Variants in APP observed in about 807,000 individuals in gnomAD.
The protein encoded by APP is amyloid-beta precursor protein.
In APP, 31 loss-of-function variants were observed where a neutral mutation model predicts 101.4. That is an observed-to-expected ratio of 0.31 (90% CI 0.23 to 0.41). APP has a LOEUF of 0.41. Among genes scored for constraint, APP ranks in the 10% least tolerant of loss-of-function variants. The pLI is 1.00. For synonymous variants in APP, 366 were observed against 364.4 expected (o/e 1.00, Z -0.05); for missense variants, 839 against 1,003.7 (o/e 0.84, Z 2.22).
intron 15 of APP, among the ~76,000 whole-genome samples, chr21:25,899,654 G>A (rs1484641886): frequency 2.0e-5 from 3 of 152,176 alleles, no homozygotes; most frequent in African/African-American, 7.2e-5. Flanking sequence ...CTTTAGCTCA[G>A]GCAGTGTCTT....
At chr21:26,170,432 G>A in intron 1 of APP, 132 bp downstream of exon 1, 3 of 969,592 alleles carry the variant, frequency 3.1e-6, no homozygotes, top group Non-Finnish European at 4.5e-6. Flanking sequence ...GTCCGCAAGC[G>A]GGGGCGGAGA....
intron 15 of APP, among the ~76,000 whole-genome samples, chr21:25,901,607 A>G (rs1227331958): frequency 6.6e-6 from 1 of 152,212 alleles, no homozygotes; most frequent in East Asian, 1.9e-4. Context: ...AATATTCATA[A>G]TAAGGTGATA....
chr21:25,908,904 T>G (rs1601366215), intron 14 of APP, among the ~76,000 whole-genome samples: 1 of 152,138 alleles, frequency 6.6e-6, no homozygotes, highest in East Asian at 1.9e-4. Context: ...TCTGTATCAT[T>G]CAGGAGTTCA....
At chr21:26,051,219 G>A (rs1434138787) in intron 4 of APP, 26 bp from the exon 5 acceptor site, 3 of 1,591,674 alleles carry the variant, frequency 1.9e-6, no homozygotes, top group Non-Finnish European at 2.6e-6. Context: ...AGAAAACAGT[G>A]AGTGGTAGAG....
chr21:25,935,778 T>C (rs541551943), intron 13 of APP, among the ~76,000 whole-genome samples: 93 of 142,896 alleles, frequency 6.5e-4, no homozygotes, highest in African/African-American at 2.1e-3. Context: ...AGGCGGAGGC[T>C]GTAGTGAGCC....
At chr21:26,140,940 G>A (rs1258406729) in intron 1 of APP, among the ~76,000 whole-genome samples, 2 of 152,186 alleles carry the variant, frequency 1.3e-5, no homozygotes, top group African/African-American at 4.8e-5. Context: ...GCATTCTGGA[G>A]GAGTAAAGAC....
intron 13 of APP, among the ~76,000 whole-genome samples, chr21:25,944,026 A>C (rs1041151291): frequency 2.7e-5 from 4 of 148,842 alleles, no homozygotes; most frequent in Admixed American, 6.7e-5. Context: ...GGGCAGACAA[A>C]TTTCAATGCC....
At chr21:26,166,217 T>C (rs1334616337) in intron 1 of APP, among the ~76,000 whole-genome samples, 3 of 152,214 alleles carry the variant, frequency 2.0e-5, no homozygotes, top group Admixed American at 6.5e-5. Context: ...TTTCTTCTTA[T>C]ACAACAATAA....
At chr21:25,970,462 C>T (rs1033634662) in intron 11 of APP, among the ~76,000 whole-genome samples, 1 of 152,154 alleles carries the variant, frequency 6.6e-6, no homozygotes, top group African/African-American at 2.4e-5. Flanking sequence ...TCTCAGCACC[C>T]ACCAGCCTAT....
At chr21:26,117,783 G>C (rs1401224782) in intron 1 of APP, among the ~76,000 whole-genome samples, 2 of 152,184 alleles carry the variant, frequency 1.3e-5, no homozygotes, top group Non-Finnish European at 2.9e-5. Flanking sequence ...TACCCTTGTG[G>C]AGAGTTGCCA....
intron 3 of APP, among the ~76,000 whole-genome samples, chr21:26,074,668 T>C (rs1295550070): frequency 6.6e-6 from 1 of 152,052 alleles, no homozygotes; most frequent in Non-Finnish European, 1.5e-5. Context: ...AGAGAATCGC[T>C]TGAACCCGGG....
At chr21:26,144,020 G>A (rs2063102868) in intron 1 of APP, among the ~76,000 whole-genome samples, 1 of 152,132 alleles carries the variant, frequency 6.6e-6, no homozygotes, top group Admixed American at 6.5e-5. Flanking sequence ...TGGCTGGGGA[G>A]GCCTCAGGAA....
chr21:26,094,794 A>G (rs2146131356), intron 2 of APP, among the ~76,000 whole-genome samples: 1 of 151,726 alleles, frequency 6.6e-6, no homozygotes, highest in Non-Finnish European at 1.5e-5. Flanking sequence ...GTCCAAAAAT[A>G]TTAAATAGAA....
intron 1 of APP, among the ~76,000 whole-genome samples, chr21:26,139,231 G>C (rs1224449373): frequency 6.6e-6 from 1 of 152,188 alleles, no homozygotes; most frequent in African/African-American, 2.4e-5. Context: ...AAGGACAGAA[G>C]AGTCAAAGAA....
intron 3 of APP, among the ~76,000 whole-genome samples, chr21:26,067,608 G>A (rs958018805): frequency 1.3e-5 from 2 of 152,084 alleles, no homozygotes; most frequent in African/African-American, 4.8e-5. Flanking sequence ...ATATCACTAG[G>A]ATTCTATGTT....
chr21:25,963,495 AT>A (rs1315524850), intron 11 of APP, among the ~76,000 whole-genome samples: 1 of 152,182 alleles, frequency 6.6e-6, no homozygotes, highest in African/African-American at 2.4e-5. Context: ...CTGTACGGGA[AT>A]CACCCCAACC....
At chr21:25,889,207 A>G (rs2037533799) in intron 17 of APP, among the ~76,000 whole-genome samples, 1 of 152,194 alleles carries the variant, frequency 6.6e-6, no homozygotes, top group Non-Finnish European at 1.5e-5. Context: ...TTAAAGTTAA[A>G]CAAGGTCATC....
intron 1 of APP, among the ~76,000 whole-genome samples, chr21:26,150,947 T>C (rs1252933669): frequency 6.6e-6 from 1 of 152,198 alleles, no homozygotes; most frequent in Non-Finnish European, 1.5e-5. Context: ...TTGCTCCAAA[T>C]ACCTATAATG....
chr21:26,102,701 G>T (rs1192654633), intron 2 of APP, among the ~76,000 whole-genome samples: 1 of 151,680 alleles, frequency 6.6e-6, no homozygotes, highest in Admixed American at 6.6e-5. Context: ...GACCAGCCTG[G>T]CCAACATGGT....
Sources: gnomAD v4.1 joint callset for allele counts (sites outside exome capture counted in the v4.1 genomes callset) on GRCh38, gnomAD v4.1.1 for gene constraint, MANE v1.5 for transcripts, NCBI Gene and HGNC (gene_info 2026-07-23, HGNC 2026-07-21) for gene names.